Variants in TMBIM6 observed in about 807,000 individuals in gnomAD.
TMBIM6 encodes the protein transmembrane BAX inhibitor motif containing 6.
Under a neutral mutation model 31.4 loss-of-function variants are expected in TMBIM6, and 13 were observed. The ratio of observed to expected loss-of-function variants is 0.41; its 90% CI spans 0.27 to 0.66. TMBIM6 has a LOEUF of 0.66. Among genes scored for constraint, TMBIM6 ranks in the 30% least tolerant of loss-of-function variants. The probability of loss-of-function intolerance (pLI) is 0.28; values close to 1 mark genes in which losing one functional copy is unlikely to be tolerated. For missense variants in TMBIM6, 275 were observed against 289.5 expected, an observed-to-expected ratio of 0.95 and a Z score of 0.36; for synonymous variants, 85 against 101.7, an observed-to-expected ratio of 0.84 and a Z score of 0.99.
At chr12:49,761,611 GGGGGTA>G in intron 8 of TMBIM6, 87 bp from the exon 9 acceptor site, 10 of 1,130,864 alleles carry the variant, frequency 8.8e-6, no homozygotes, top group African/African-American at 1.6e-5. Context: ...GCTGGCTCGT[GGGGGTA>G]GGGGTGGGGT....
Position 49,741,615 on chromosome 12 carries a change from C to G in TMBIM6, c.-31+4C>G. ...CTTGGAGAGGCGGGTTAGGAAGGTA[C>G]GTCTGAACCTAGTACTGGGCGAACT... On this transcript the variant is annotated splice_donor_region_variant and intron_variant, in intron 1 of 9. Transcript: ENST00000267115. 6.2e-6 allele frequency: 1 copy of G among 161,304 alleles called. No homozygotes were observed. The highest frequency in any genetic ancestry group is 1.4e-4 in the South Asian group (1 of 7,284). 10.0% of individuals were successfully genotyped at this position (161,304 alleles called of 1,614,324 possible). A position where few individuals can be genotyped will look rare whatever the true frequency, so the allele number is the denominator to read the frequency against.
In TMBIM6 at chr12:49,758,599, G is replaced by A. The variant is rs1185432647; in HGVS notation, c.434-84G>A. 4 of 1,557,192 alleles carry A rather than the reference G, an allele frequency of 2.6e-6. No homozygotes were observed. The East Asian group carries it at 6.7e-5, about 26-fold the overall frequency. ...TTGAGTTGAGATTAACCTTCATTCT[G>A]GGGGAAGTTAAGGAATGGCTTTAAT... On this transcript the variant is annotated intron_variant, in intron 6 of 9. Coordinates refer to ENST00000267115, the MANE Select transcript of TMBIM6 (RefSeq NM_003217.3).
At chr12:49,745,725 A>AAAAAAAAAACAAAAAAC (rs1555227981) in intron 1 of TMBIM6, among the ~76,000 whole-genome samples, 3 of 105,480 alleles carry the variant, frequency 2.8e-5, no homozygotes, top group African/African-American at 1.9e-4. Flanking sequence ...ACTCTGTCTC[A>AAAAAAAAAACAAAAAAC]AAAAAAAAAA....
chr12:49,759,102 A>C, intron 7 of TMBIM6, 119 bp from the exon 8 acceptor site: 1 of 849,928 alleles, frequency 1.2e-6, no homozygotes. Context: ...CGTGAATGGT[A>C]ATGTTCATAG....
At chr12:49,750,625 AGGAGAGAGCAACAACCTTAGTAG>A (rs1350208024) in intron 1 of TMBIM6, 1 of 152,250 alleles carries the variant, frequency 6.6e-6, no homozygotes, top group African/African-American at 2.4e-5. Flanking sequence ...TGTGACTCAG[AGGAGAGAGCAACAACCTTAGTAG>A]GTTCTGCAGC....
intron 2 of TMBIM6, 57 bp from the exon 3 acceptor site, chr12:49,752,916 A>C: frequency 6.8e-7 from 1 of 1,473,924 alleles, no homozygotes; most frequent in Non-Finnish European, 9.3e-7. Flanking sequence ...GATTCTTCTT[A>C]GCTTAAATAT....
intron 8 of TMBIM6, among the ~76,000 whole-genome samples, chr12:49,760,164 T>C (rs998699559): frequency 6.7e-6 from 1 of 148,282 alleles, no homozygotes; most frequent in African/African-American, 2.5e-5. Flanking sequence ...TACATATCCA[T>C]AGTGGCTACC....
At chr12:49,742,865 C>G (rs902237666) in intron 1 of TMBIM6, among the ~76,000 whole-genome samples, 1 of 152,196 alleles carries the variant, frequency 6.6e-6, no homozygotes, top group African/African-American at 2.4e-5. Flanking sequence ...CCGCCACTTT[C>G]CTCCAGTAGG....
At chr12:49,759,506 A>T (rs1945671999) in intron 8 of TMBIM6, among the ~76,000 whole-genome samples, 185 bp downstream of exon 8, 1 of 152,094 alleles carries the variant, frequency 6.6e-6, no homozygotes, top group Non-Finnish European at 1.5e-5. Flanking sequence ...CAGATTTTTT[A>T]AAAATCTGGG....
intron 9 of TMBIM6, 142 bp downstream of exon 9, chr12:49,761,921 C>A: frequency 5.5e-6 from 4 of 722,388 alleles, no homozygotes; most frequent in South Asian, 4.7e-5. Flanking sequence ...AAGAGGTAAG[C>A]CAGAAGTCTT....
rs1033229596 is a variant in TMBIM6, at chr12:49,763,160, C to T, written c.*264C>T. 28 of 341,096 alleles carry T rather than the reference C, an allele frequency of 8.2e-5. No individual in the cohort carries two copies. Among genetic ancestry groups the T allele is most frequent in the Non-Finnish European group, 1.2e-4 (22 of 182,534 alleles). The allele number at this position is 341,096 out of a possible 1,614,324, so 21.1% of individuals were successfully genotyped here. The stretch of plus-strand genomic sequence containing the variant: ...TAGCCTCTTCCTCTACTCAGGCAGT[C>T]GACCCGCCACGATGAGAAGTGGGAC... On this transcript the variant is annotated 3_prime_UTR_variant, in exon 10 of 10. Coordinates refer to ENST00000267115, the MANE Select transcript of TMBIM6 (RefSeq NM_003217.3).
chr12:49,745,680 G>A (rs1173169711), intron 1 of TMBIM6, among the ~76,000 whole-genome samples: 3 of 148,194 alleles, frequency 2.0e-5, no homozygotes, highest in African/African-American at 5.2e-5. Context: ...AGCTGAGATC[G>A]TGCCACTGCA....
intron 4 of TMBIM6, among the ~76,000 whole-genome samples, chr12:49,756,035 G>A (rs999720712): frequency 6.6e-5 from 10 of 151,748 alleles, no homozygotes; most frequent in East Asian, 1.9e-4. Context: ...GGGTTTCATC[G>A]TGTTAGCCAG....
Position 49,758,799 on chromosome 12 carries a change from C to T in TMBIM6, c.513+37C>T, listed in dbSNP as rs751148123. The T allele has an allele frequency of 5.9e-6, 9 of 1,531,570 alleles. No homozygotes were observed. The South Asian group carries it at 7.1e-5, about 12-fold the overall frequency. 94.9% of individuals were successfully genotyped at this position (1,531,570 alleles called of 1,614,324 possible). A position where few individuals can be genotyped will look rare whatever the true frequency, so the allele number is the denominator to read the frequency against. ...CCTGGAACTTTCCAGCAGCCATTTG[C>T]CTCACACTTCTTTCTTTCCTTTTTT... On this transcript the variant is annotated intron_variant, in intron 7 of 9. Transcript: ENST00000267115.
At chr12:49,755,548 C>T (rs1211473314) in intron 3 of TMBIM6, 87 bp from the exon 4 acceptor site, 50 of 1,513,914 alleles carry the variant, frequency 3.3e-5, no homozygotes, top group African/African-American at 9.7e-5. Flanking sequence ...GAAGTTCAGA[C>T]GAGTGTTTGA....
chr12:49,746,632 T>C (rs764077767), intron 1 of TMBIM6, among the ~76,000 whole-genome samples: 2 of 152,190 alleles, frequency 1.3e-5, no homozygotes, highest in African/African-American at 2.4e-5. Context: ...TTGCTGCATG[T>C]CCCACTGCTA....
At chr12:49,758,333 G>A (rs1346184486) in intron 5 of TMBIM6, 50 bp from the exon 6 acceptor site, 2 of 1,613,302 alleles carry the variant, frequency 1.2e-6, no homozygotes, top group Non-Finnish European at 1.7e-6. Flanking sequence ...CCTTCTAAAT[G>A]TAGACCGTAT....
intron 1 of TMBIM6, among the ~76,000 whole-genome samples, chr12:49,744,909 G>A (rs1031858257): frequency 1.3e-5 from 2 of 152,154 alleles, no homozygotes; most frequent in East Asian, 3.8e-4. Flanking sequence ...TCTGTCAAAC[G>A]TTATAGAGAG....
intron 1 of TMBIM6, among the ~76,000 whole-genome samples, chr12:49,743,243 T>TG (rs1945330841): frequency 6.8e-6 from 1 of 146,992 alleles, no homozygotes; most frequent in African/African-American, 2.7e-5. Flanking sequence ...ATTATTATTA[T>TG]GTTTTTTTTT....
Sources: gnomAD v4.1 joint callset for allele counts (sites outside exome capture counted in the v4.1 genomes callset) on GRCh38, gnomAD v4.1.1 for gene constraint, MANE v1.5 for transcripts, NCBI Gene and HGNC (gene_info 2026-07-23, HGNC 2026-07-21) for gene names.